Variants in OTC observed in about 807,000 individuals in gnomAD.
OTC encodes the protein ornithine transcarbamylase, also known as ornithine transcarbamylase, mitochondrial.
OTC carries 3 observed loss-of-function variants against 30.3 expected under a neutral mutation model. The observed-to-expected ratio is 0.10, with a 90% CI of 0.05 to 0.26. OTC has a LOEUF of 0.26. OTC is among the 10% of genes least tolerant of loss of function. The pLI is 1.00. For synonymous variants in OTC, 111 were observed against 99.7 expected, an observed-to-expected ratio of 1.11 and a Z score of -0.67; for missense variants, 194 against 260.3, an observed-to-expected ratio of 0.75 and a Z score of 1.75.
chrX:38,402,570 A>T (rs913040433), intron 5 of OTC, among the ~76,000 whole-genome samples: 10 of 111,940 alleles, frequency 8.9e-5, no homozygotes, highest in African/African-American at 3.2e-4. Context: ...AAACCTACAG[A>T]CACTTCAAGA....
rs191534050 is a variant in OTC at position 38,399,486 on chromosome X, C to T, written c.387-1789C>T. Among the ~76,000 whole-genome samples the T allele has an allele frequency of 2.7e-5, 3 of 111,519 alleles. No individual in the cohort carries two copies. In the Admixed American group the frequency reaches 2.9e-4, roughly 11 times the overall value. On this transcript the variant is annotated intron_variant, in intron 4 of 9. Coordinates refer to ENST00000039007, the MANE Select transcript of OTC (RefSeq NM_000531.6). ...CCAAGTTGCCAGGTGCGGTGGCTCA[C>T]GCCTGTAATCCCAGCACTTTGGGGG...
downstream of OTC, among the ~76,000 whole-genome samples, chrX:38,422,388 G>A (rs1391352376): frequency 5.4e-5 from 6 of 112,084 alleles, no homozygotes; most frequent in Non-Finnish European, 1.1e-4. Flanking sequence ...TAGAAAGAGA[G>A]TGGAGTTTAG....
intron 1 of OTC, among the ~76,000 whole-genome samples, chrX:38,353,472 A>C (rs887019781): frequency 8.9e-6 from 1 of 111,891 alleles, no homozygotes; most frequent in Admixed American, 9.5e-5. Context: ...CATCACTACC[A>C]GAAAGCTTCT....
chrX:38,331,446 T>G, the OTC span, among the ~76,000 whole-genome samples: 257 of 73,027 alleles, frequency 3.5e-3, 1 homozygote, highest in African/African-American at 0.011. Flanking sequence ...TTTTTTGTTT[T>G]TTTTTTTTGT....
At chrX:38,374,112 C>T (rs1237974270) in intron 3 of OTC, among the ~76,000 whole-genome samples, 3 of 111,007 alleles carry the variant, frequency 2.7e-5, no homozygotes, top group African/African-American at 6.6e-5. Context: ...TGCAGTGAGC[C>T]GAGAACGCGC....
At position 38,399,037 on chromosome X, in the gene OTC, T is replaced by C. The variant is rs2068471186; in HGVS notation, c.387-2238T>C. ...CAAGGATATTATAGACAGAGTCTTC[T>C]GTTTTTGTGGGCTGCCATCTCAGAA... On this transcript the variant is annotated intron_variant, in intron 4 of 9. Coordinates refer to ENST00000039007, the MANE Select transcript of OTC (RefSeq NM_000531.6). 2.7e-5 allele frequency among the ~76,000 whole-genome samples: 3 copies of C among 112,186 alleles called. No homozygotes were observed. In the South Asian group the frequency reaches 1.1e-3, roughly 42 times the overall value.
chrX:38,403,791 G>A (rs376144729), intron 6 of OTC, 51 bp downstream of exon 6: 3 of 1,165,159 alleles, frequency 2.6e-6, no homozygotes, highest in African/African-American at 1.8e-5. Flanking sequence ...ATCATCCTCA[G>A]ATGCAATTAC....
intron 9 of OTC, among the ~76,000 whole-genome samples, chrX:38,419,228 T>C (rs1327112824): frequency 8.9e-6 from 1 of 112,292 alleles, no homozygotes; most frequent in African/African-American, 3.2e-5. Flanking sequence ...GTGTGGTTTT[T>C]ATTAAAATGT....
At chrX:38,384,393 T>C (rs1214946817) in intron 4 of OTC, among the ~76,000 whole-genome samples, 1 of 112,120 alleles carries the variant, frequency 8.9e-6, no homozygotes, top group African/African-American at 3.2e-5. Context: ...TACTGCTTAA[T>C]CTGCCAAAAT....
intron 4 of OTC, among the ~76,000 whole-genome samples, chrX:38,387,648 A>G (rs1055257037): frequency 9.0e-6 from 1 of 111,526 alleles, no homozygotes. Context: ...CACAGGGATC[A>G]GCATACAGTG....
At chrX:38,357,931 C>T (rs993601546) in intron 1 of OTC, among the ~76,000 whole-genome samples, 10 of 111,637 alleles carry the variant, frequency 9.0e-5, no homozygotes, top group African/African-American at 2.9e-4. Flanking sequence ...AGTATTTGTA[C>T]GTGCTTCTCA....
intron 6 of OTC, among the ~76,000 whole-genome samples, chrX:38,406,614 C>A (rs1157011907): frequency 9.0e-6 from 1 of 111,709 alleles, no homozygotes; most frequent in Non-Finnish European, 1.9e-5. Flanking sequence ...GATTCCTTTT[C>A]TAAGAATTAT....
At chrX:38,404,151 A>C (rs1474625652) in intron 6 of OTC, among the ~76,000 whole-genome samples, 2 of 112,300 alleles carry the variant, frequency 1.8e-5, no homozygotes, top group Non-Finnish European at 3.8e-5. Context: ...TGGTAGAAAA[A>C]TGTGAATCCA....
chrX:38,332,850 C>G, the OTC span, among the ~76,000 whole-genome samples: 2 of 111,086 alleles, frequency 1.8e-5, no homozygotes, highest in African/African-American at 3.3e-5. Context: ...GTTCAACTAC[C>G]TTGTAGCAAC....
upstream of OTC, among the ~76,000 whole-genome samples, chrX:38,349,654 C>A (rs2068204892): frequency 8.9e-6 from 1 of 112,604 alleles, no homozygotes; most frequent in Non-Finnish European, 1.9e-5. Flanking sequence ...ATCAACTTTT[C>A]TTTATAAATT....
intron 4 of OTC, among the ~76,000 whole-genome samples, chrX:38,389,098 T>A: frequency 8.9e-6 from 1 of 111,807 alleles, no homozygotes; most frequent in East Asian, 2.8e-4. Flanking sequence ...CTTCTCCTCT[T>A]CTTATAAGAA....
At chrX:38,380,279 G>T (rs1208599972) in intron 3 of OTC, among the ~76,000 whole-genome samples, 1 of 112,223 alleles carries the variant, frequency 8.9e-6, no homozygotes, top group Non-Finnish European at 1.9e-5. Context: ...TGCAATTAAT[G>T]ATTTCTTCCC....
chrX:38,401,692 C>T lies in OTC; in HGVS notation c.540+264C>T, dbSNP rs997341002. ...TGTTCTGTCAATCCCTTTGATTTTT[C>T]GGTGCCATATTTAACACAATGAATG... On this transcript the variant is annotated intron_variant, in intron 5 of 9. Coordinates refer to ENST00000039007, the MANE Select transcript of OTC (RefSeq NM_000531.6). Among the ~76,000 whole-genome samples the T allele has an allele frequency of 3.6e-5, 4 of 111,340 alleles. No homozygotes were observed. Among genetic ancestry groups the T allele is most frequent in the African/African-American group, 6.5e-5 (2 of 30,633 alleles).
intron 2 of OTC, among the ~76,000 whole-genome samples, chrX:38,369,561 A>G (rs2068313692): frequency 1.9e-5 from 2 of 103,265 alleles, no homozygotes; most frequent in Non-Finnish European, 3.9e-5. Context: ...GGGTTTTGCC[A>G]TGTTGGCCAG....
Sources: allele counts gnomAD v4.1 joint callset (sites outside exome capture counted in the v4.1 genomes callset), GRCh38; gene constraint gnomAD v4.1.1; transcripts MANE v1.5; gene names NCBI Gene and HGNC (gene_info 2026-07-23, HGNC 2026-07-21).